Variants in NTNG2 observed in about 807,000 individuals in gnomAD.
The protein encoded by NTNG2 is netrin G2.
NTNG2 carries 15 observed loss-of-function variants against 47.6 expected under a neutral mutation model. That is an observed-to-expected ratio of 0.32 (90% CI 0.21 to 0.49). NTNG2 has a LOEUF of 0.49. Ranked by LOEUF, NTNG2 falls within the 20% of genes least tolerant of loss-of-function variation. The probability of loss-of-function intolerance (pLI) is 0.99; values close to 1 mark genes in which losing one functional copy is unlikely to be tolerated. For synonymous variants in NTNG2, 307 were observed against 324.6 expected (o/e 0.95, Z 0.58); for missense variants, 578 against 764.6 (o/e 0.76, Z 2.88).
At chr9:132,183,287 C>T (rs1432180524) in intron 2 of NTNG2, among the ~76,000 whole-genome samples, 4 of 152,178 alleles carry the variant, frequency 2.6e-5, no homozygotes, top group East Asian at 1.9e-4. Context: ...AGGGCTGTCA[C>T]GGGCGCTGCT....
In NTNG2 at chr9:132,221,568, A is replaced by G. The variant is rs538573317; in HGVS notation, c.858-5281A>G. On this transcript the variant is annotated intron_variant, in intron 3 of 7. Transcript: ENST00000393229. This position sits in a 1 kb window ranked among gnomAD's most constrained non-coding sequence, Gnocchi z 4.2. ...CCCTGCAGCCCTGCTAGACAGGGCAATTCTCTCCTTTGGAAGAGGAGGCAC... is the reference window on the plus strand; with the variant it reads ...CCCTGCAGCCCTGCTAGACAGGGCAGTTCTCTCCTTTGGAAGAGGAGGCAC... Among the ~76,000 whole-genome samples the G allele has an allele frequency of 1.3e-4, 20 of 152,340 alleles. No homozygotes were observed. In the South Asian group the frequency reaches 3.9e-3, roughly 30 times the overall value.
Position 132,236,529 on chromosome 9 carries a change from C to G in NTNG2, c.1055-2575C>G. ...TCACATGTTCAAATTTCCTCCAGCC[C>G]CAGCTCTGAGCAGCGAGCAGGGCTT... On this transcript the variant is annotated intron_variant, in intron 5 of 7. Coordinates refer to ENST00000393229, the MANE Select transcript of NTNG2 (RefSeq NM_032536.4). The surrounding 1 kb of genome is among the most constrained non-coding windows in gnomAD (Gnocchi z 4.3). Among the ~76,000 whole-genome samples, 1 of 152,230 alleles carries G rather than the reference C, an allele frequency of 6.6e-6. No homozygotes were observed. The highest frequency in any genetic ancestry group is 1.5e-5 in the Non-Finnish European group (1 of 68,036).
chr9:132,195,502 T>G (rs983286535), intron 2 of NTNG2, among the ~76,000 whole-genome samples: 19 of 114,066 alleles, frequency 1.7e-4, no homozygotes, highest in Non-Finnish European at 3.1e-4. Flanking sequence ...TTTTTTTTTG[T>G]ATTTTTAGTA....
Position 132,242,129 on chromosome 9 carries a change from C to A in NTNG2, c.*18C>A, listed in dbSNP as rs1418317707. 18 of 1,097,988 alleles carry A rather than the reference C, an allele frequency of 1.6e-5. No individual in the cohort carries two copies. The highest frequency in any genetic ancestry group is 2.0e-5 in the Non-Finnish European group (18 of 899,998). 68.0% of individuals were successfully genotyped at this position (1,097,988 alleles called of 1,614,324 possible). ...GCCGCTGAGCCCCGCCCGGAGGACG[C>A]TCCCCGCACCCGGAGGCCGGGGGTC... On this transcript the variant is annotated 3_prime_UTR_variant, in exon 8 of 8. Coordinates refer to ENST00000393229, the MANE Select transcript of NTNG2 (RefSeq NM_032536.4). The surrounding 1 kb of genome is among the most constrained non-coding windows in gnomAD (Gnocchi z 5.9).
chr9:132,234,275 G>A (rs970180686), intron 5 of NTNG2, among the ~76,000 whole-genome samples: 9 of 152,174 alleles, frequency 5.9e-5, no homozygotes, highest in Admixed American at 2.0e-4. Flanking sequence ...TGATCCACCC[G>A]CCTCAGCCTC....
At position 132,226,751 on chromosome 9, in the gene NTNG2, C is replaced by A; in HGVS notation, c.858-98C>A. 4.4e-6 allele frequency: 5 copies of A among 1,125,108 alleles called. No individual in the cohort carries two copies. Among genetic ancestry groups the A allele is most frequent in the Non-Finnish European group, 6.1e-6 (5 of 820,536 alleles). 69.7% of individuals were successfully genotyped at this position (1,125,108 alleles called of 1,614,324 possible). A position where few individuals can be genotyped will look rare whatever the true frequency, so the allele number is the denominator to read the frequency against. ...GGTTTCTTCCTGGGCAGCCCAACAC[C>A]CTCCTGGGCCCCTCCTGGGAGGCGC... On this transcript the variant is annotated intron_variant, in intron 3 of 7. Coordinates refer to ENST00000393229, the MANE Select transcript of NTNG2 (RefSeq NM_032536.4). This position sits in a 1 kb window ranked among gnomAD's most constrained non-coding sequence, Gnocchi z 4.8.
chr9:132,206,843 A>G (rs1384622152), intron 3 of NTNG2, among the ~76,000 whole-genome samples: 3 of 152,202 alleles, frequency 2.0e-5, no homozygotes, highest in Admixed American at 2.0e-4. Flanking sequence ...ATCAGCCTCC[A>G]CTGAGAAGTG....
At position 132,241,789 on chromosome 9, in the gene NTNG2, G is replaced by C. The variant is rs1842004129; in HGVS notation, c.1358-87G>C. ...TCCCCGGCCCAGACGGCGCCCCCGG[G>C]ATCTCGCACACCCTGCTTCGCAGGA... On this transcript the variant is annotated intron_variant, in intron 7 of 7. Coordinates refer to ENST00000393229, the MANE Select transcript of NTNG2 (RefSeq NM_032536.4). The C allele has an allele frequency of 1.0e-5, 10 of 998,886 alleles. No individual in the cohort carries two copies. In the South Asian group the frequency reaches 1.7e-4, roughly 17 times the overall value. The allele number at this position is 998,886 out of a possible 1,614,324, so 61.9% of individuals were successfully genotyped here.
Position 132,236,805 on chromosome 9 carries a change from C to T in NTNG2, c.1055-2299C>T, listed in dbSNP as rs962149040. On this transcript the variant is annotated intron_variant, in intron 5 of 7. Transcript: ENST00000393229. The surrounding 1 kb of genome is among the most constrained non-coding windows in gnomAD (Gnocchi z 4.3). ...CACAGATAGGGCGTTGGGGTCCCAGCGGGATTCTGGGCAGTGGAAGGCAGG... is the reference window on the plus strand; with the variant it reads ...CACAGATAGGGCGTTGGGGTCCCAGTGGGATTCTGGGCAGTGGAAGGCAGG... Among the ~76,000 whole-genome samples, 2 of 152,164 alleles carry T rather than the reference C, an allele frequency of 1.3e-5. No homozygotes were observed. The highest frequency in any genetic ancestry group is 2.4e-5 in the African/African-American group (1 of 41,440).
chr9:132,231,335 G>T lies in NTNG2; in HGVS notation c.1054+740G>T, dbSNP rs1213061776. 3 of 456,284 alleles carry T rather than the reference G, an allele frequency of 6.6e-6. No homozygotes were observed. Among genetic ancestry groups the T allele is most frequent in the Non-Finnish European group, 1.3e-5 (3 of 226,830 alleles). 28.3% of individuals were successfully genotyped at this position (456,284 alleles called of 1,614,324 possible). ...CCCCTGGGAGGTCGCCATCTGCTCT[G>T]CGAGGCAGCAGGAGAGGACTGGCCA... On this transcript the variant is annotated intron_variant, in intron 5 of 7. Transcript: ENST00000393229. This position sits in a 1 kb window ranked among gnomAD's most constrained non-coding sequence, Gnocchi z 4.1.
chr9:132,200,793 T>C (rs1256501351), intron 3 of NTNG2, among the ~76,000 whole-genome samples: 4 of 152,176 alleles, frequency 2.6e-5, no homozygotes, highest in South Asian at 2.1e-4. Context: ...CCACCTCCAA[T>C]TGGGACAGGA....
At chr9:132,222,763 G>A (rs1404786331) in intron 3 of NTNG2, among the ~76,000 whole-genome samples, 1 of 152,152 alleles carries the variant, frequency 6.6e-6, no homozygotes, top group African/African-American at 2.4e-5. Flanking sequence ...GAAACTCACT[G>A]CCTTCTCCAC....
In NTNG2 at chr9:132,189,068, C is replaced by CTTTTTTTTTTTTTTTTTTTTTTTTT. The variant is rs749756559; in HGVS notation, c.214-8895_214-8871dup. ...TATGTGAAAAAGGCTTTAAGCCTTT[C>CTTTTTTTTTTTTTTTTTTTTTTTTT]TTTTTTTTTTTTTTTTTTTTTTTTT... On this transcript the variant is annotated intron_variant, in intron 2 of 7. Coordinates refer to ENST00000393229, the MANE Select transcript of NTNG2 (RefSeq NM_032536.4). Among the ~76,000 whole-genome samples, 18 of 93,278 alleles carry CTTTTTTTTTTTTTTTTTTTTTTTTT rather than the reference C, an allele frequency of 1.9e-4. 6 individuals are homozygous for CTTTTTTTTTTTTTTTTTTTTTTTTT. The highest frequency in any genetic ancestry group is 3.7e-4 in the Admixed American group (3 of 8,194). 61.2% of individuals were successfully genotyped at this position (93,278 alleles called of 152,430 possible). A position where few individuals can be genotyped will look rare whatever the true frequency, so the allele number is the denominator to read the frequency against.
chr9:132,216,414 C>CTG (rs1177821281), intron 3 of NTNG2, among the ~76,000 whole-genome samples: 9 of 110,328 alleles, frequency 8.2e-5, no homozygotes, highest in East Asian at 2.6e-4. Flanking sequence ...CTCTCTCTCT[C>CTG]TGTGTGTGTG....
At chr9:132,184,114 C>T (rs1480484774) in intron 2 of NTNG2, among the ~76,000 whole-genome samples, 1 of 152,242 alleles carries the variant, frequency 6.6e-6, no homozygotes, top group Non-Finnish European at 1.5e-5. Flanking sequence ...CAGGGTTCAT[C>T]CACAGAGGGG....
rs575343610 is a variant in NTNG2, at chr9:132,226,837, G to A, written c.858-12G>A. 1 of 1,584,418 alleles carries A rather than the reference G, an allele frequency of 6.3e-7. No individual in the cohort carries two copies. Among genetic ancestry groups the A allele is most frequent in the Admixed American group, 1.8e-5 (1 of 56,298 alleles). ...GCTCTCTGACATCTCTGCCCTCTCG[G>A]TGTCTCCCCAGGTGCAAGTGCAACC... On this transcript the variant is annotated splice_polypyrimidine_tract_variant and intron_variant, in intron 3 of 7. Coordinates refer to ENST00000393229, the MANE Select transcript of NTNG2 (RefSeq NM_032536.4). The surrounding 1 kb of genome is among the most constrained non-coding windows in gnomAD (Gnocchi z 4.8).
In NTNG2 at chr9:132,241,059, TC is replaced by T; in HGVS notation, c.1357+20del. ...GGGCTGCTACCGTGAGTGCGCGCCG[TC>T]CCCCGTGGGCGGGGCCTGCGGAAAG... On this transcript the variant is annotated intron_variant, in intron 7 of 7. Transcript: ENST00000393229. 1 of 1,584,538 alleles carries T rather than the reference TC, an allele frequency of 6.3e-7. No individual in the cohort carries two copies. The highest frequency in any genetic ancestry group is 8.5e-7 in the Non-Finnish European group (1 of 1,171,352).
intron 4 of NTNG2, 137 bp downstream of exon 4, chr9:132,227,158 C>A: frequency 1.1e-6 from 1 of 948,016 alleles, no homozygotes. Flanking sequence ...TGCAAACGTG[C>A]ACACAGAAAC....
rs575068865 is a variant in NTNG2, at chr9:132,221,159, C to G, written c.858-5690C>G. Among the ~76,000 whole-genome samples, 1 of 152,066 alleles carries G rather than the reference C, an allele frequency of 6.6e-6. No homozygotes were observed. Among genetic ancestry groups the G allele is most frequent in the Non-Finnish European group, 1.5e-5 (1 of 68,018 alleles). On this transcript the variant is annotated intron_variant, in intron 3 of 7. Transcript: ENST00000393229. This position sits in a 1 kb window ranked among gnomAD's most constrained non-coding sequence, Gnocchi z 4.2. ...AGGTAGGGGTTGTGAAAGGCCTCCC[C>G]AAAGAAGTGGCATTTGGCCTAGAAT...
Sources: allele counts gnomAD v4.1 joint callset (sites outside exome capture counted in the v4.1 genomes callset), GRCh38; gene constraint gnomAD v4.1.1; non-coding constraint Gnocchi (gnomAD v3.1); transcripts MANE v1.5; gene names NCBI Gene and HGNC (gene_info 2026-07-23, HGNC 2026-07-21).